Variants in BFSP2 observed in about 807,000 individuals in gnomAD.
The protein encoded by BFSP2 is beaded filament structural protein 2.
A neutral mutation model predicts 44.9 loss-of-function variants in BFSP2; 38 were observed. The observed-to-expected ratio is 0.85, with a 90% confidence interval of 0.65 to 1.11. The LOEUF (loss-of-function observed/expected upper bound fraction) is 1.11, where lower values mean the gene tolerates loss of function less well. BFSP2 is among the 50% of genes least tolerant of loss of function. The probability of loss-of-function intolerance (pLI) is 0.00; values close to 1 mark genes in which losing one functional copy is unlikely to be tolerated. For missense variants in BFSP2, 525 were observed against 533.0 expected, an observed-to-expected ratio of 0.99 and a Z score of 0.15; for synonymous variants, 197 against 209.9, an observed-to-expected ratio of 0.94 and a Z score of 0.53.
At chr3:133,417,732 T>C in intron 1 of BFSP2, among the ~76,000 whole-genome samples, 1 of 135,370 alleles carries the variant, frequency 7.4e-6, no homozygotes, top group Non-Finnish European at 1.6e-5. Flanking sequence ...TCCCCTCTAC[T>C]CACCCGTCCT....
At chr3:133,430,302 C>G (rs930305087) in intron 1 of BFSP2, among the ~76,000 whole-genome samples, 1 of 151,532 alleles carries the variant, frequency 6.6e-6, no homozygotes, top group Non-Finnish European at 1.5e-5. Flanking sequence ...AATGGTATTT[C>G]TAGTTCTAGA....
At chr3:133,452,724 T>C (rs1368685123) in intron 4 of BFSP2, among the ~76,000 whole-genome samples, 1 of 152,180 alleles carries the variant, frequency 6.6e-6, no homozygotes, top group African/African-American at 2.4e-5. Flanking sequence ...TTTCTCTGCA[T>C]TGGGCTGCAT....
chr3:133,466,762 T>C lies in BFSP2; in HGVS notation c.892-66T>C, dbSNP rs933383940. The C allele has an allele frequency of 4.5e-6, 7 of 1,556,492 alleles. No individual in the cohort carries two copies. In the African/African-American group the frequency reaches 8.2e-5, roughly 18 times the overall value. ...GCAGTGGAGTGGTGATTAGAAAGGC[T>C]GGGAAGGAAGGATGGGCTCAGATTT... On this transcript the variant is annotated intron_variant, in intron 4 of 6. Coordinates refer to ENST00000302334, the MANE Select transcript of BFSP2 (RefSeq NM_003571.4).
intron 6 of BFSP2, among the ~76,000 whole-genome samples, chr3:133,473,468 CT>C (rs1324212654): frequency 3.3e-5 from 4 of 121,190 alleles, no homozygotes; most frequent in East Asian, 2.5e-4. Flanking sequence ...AAGGCTTTTT[CT>C]TTTTTTTTAT....
chr3:133,465,718 C>A (rs185362274), intron 4 of BFSP2, among the ~76,000 whole-genome samples: 4 of 152,164 alleles, frequency 2.6e-5, no homozygotes, highest in Non-Finnish European at 5.9e-5. Flanking sequence ...GGTTTGAGGG[C>A]GGTATGGGAC....
chr3:133,419,445 C>T (rs1187741066), intron 1 of BFSP2, among the ~76,000 whole-genome samples: 2 of 152,144 alleles, frequency 1.3e-5, no homozygotes, highest in African/African-American at 4.8e-5. Context: ...CTATAAGGCC[C>T]GAGTTAGTCC....
At chr3:133,411,753 T>A (rs1289082944) in intron 1 of BFSP2, among the ~76,000 whole-genome samples, 1 of 152,036 alleles carries the variant, frequency 6.6e-6, no homozygotes, top group Non-Finnish European at 1.5e-5. Flanking sequence ...ATAATAAAAG[T>A]ATTATTATAG....
chr3:133,459,031 A>T (rs976073725), intron 4 of BFSP2, among the ~76,000 whole-genome samples: 3 of 151,998 alleles, frequency 2.0e-5, no homozygotes, highest in African/African-American at 7.3e-5. Context: ...TTTTTAACAG[A>T]TTTTTCCCAT....
chr3:133,471,503 G>A (rs1204059910), intron 5 of BFSP2, among the ~76,000 whole-genome samples: 2 of 152,220 alleles, frequency 1.3e-5, no homozygotes, highest in East Asian at 1.9e-4. Flanking sequence ...GCAGCCAGTG[G>A]CTTCATTTTG....
At chr3:133,408,734 G>A (rs1317843521) in intron 1 of BFSP2, among the ~76,000 whole-genome samples, 2 of 152,202 alleles carry the variant, frequency 1.3e-5, no homozygotes, top group Non-Finnish European at 2.9e-5. Flanking sequence ...GAGCTAAAAG[G>A]CAAGATGGAA....
At chr3:133,447,213 C>T in intron 1 of BFSP2, 104 bp from the exon 2 acceptor site, 2 of 1,171,814 alleles carry the variant, frequency 1.7e-6, no homozygotes, top group South Asian at 1.3e-5. Flanking sequence ...AAGAAAGGTT[C>T]TCTGAGGTCC....
Position 133,419,318 on chromosome 3 carries a change from C to T in BFSP2, c.489+18746C>T, listed in dbSNP as rs145484874. Among the ~76,000 whole-genome samples, 617 of 152,244 alleles carry T rather than the reference C, an allele frequency of 4.1e-3. 6 individuals carry two copies. The highest frequency in any genetic ancestry group is 0.014 in the African/African-American group (570 of 41,552). On this transcript the variant is annotated intron_variant, in intron 1 of 6. Coordinates refer to ENST00000302334, the MANE Select transcript of BFSP2 (RefSeq NM_003571.4). The stretch of plus-strand genomic sequence containing the variant: ...GGGGGAGGAAGGACACGATTCAGCC[C>T]GTAATACCCATTTTACAGATAAAGA...
At chr3:133,407,150 A>C (rs1379193454) in intron 1 of BFSP2, among the ~76,000 whole-genome samples, 1 of 152,194 alleles carries the variant, frequency 6.6e-6, no homozygotes. Flanking sequence ...AAGAGGGTGA[A>C]GCAGGGGGAT....
intron 1 of BFSP2, chr3:133,429,135 CTAAATTTGGTGCT>C (rs888663846): frequency 7.9e-5 from 12 of 152,010 alleles, no homozygotes; most frequent in African/African-American, 2.9e-4. Flanking sequence ...CACTGCTGCC[CTAAATTTGGTGCT>C]TACCACTCCC....
intron 1 of BFSP2, among the ~76,000 whole-genome samples, chr3:133,405,400 C>T (rs1576555513): frequency 6.6e-6 from 1 of 152,128 alleles, no homozygotes; most frequent in Non-Finnish European, 1.5e-5. Context: ...GTCTTTCTGT[C>T]CCTTGCACAG....
chr3:133,424,958 AAGG>A (rs2073630322), intron 1 of BFSP2, among the ~76,000 whole-genome samples: 1 of 152,164 alleles, frequency 6.6e-6, no homozygotes, highest in African/African-American at 2.4e-5. Flanking sequence ...TTGAAATTTA[AAGG>A]AGAATGAAAT....
chr3:133,441,565 G>A (rs1327721534), intron 1 of BFSP2, among the ~76,000 whole-genome samples: 1 of 152,154 alleles, frequency 6.6e-6, no homozygotes, highest in African/African-American at 2.4e-5. Flanking sequence ...TGATTCTCAG[G>A]TTGGAGCTAG....
intron 4 of BFSP2, among the ~76,000 whole-genome samples, chr3:133,454,813 T>A (rs549631961): frequency 1.4e-4 from 21 of 152,384 alleles, no homozygotes; most frequent in African/African-American, 5.0e-4. Context: ...TGCAAACACG[T>A]CATACAGCTA....
At chr3:133,425,984 GCAGGGCAGGGCAGGGCAGGGAAA>G (rs2073649565) in intron 1 of BFSP2, among the ~76,000 whole-genome samples, 1 of 42,972 alleles carries the variant, frequency 2.3e-5, no homozygotes, top group African/African-American at 1.8e-4. Flanking sequence ...GGAGGGGAAG[GCAGGGCAGGGCAGGGCAGGGAAA>G]GGAAGGGAAG....
Sources: gnomAD v4.1 joint callset for allele counts (sites outside exome capture counted in the v4.1 genomes callset) on GRCh38, gnomAD v4.1.1 for gene constraint, MANE v1.5 for transcripts, NCBI Gene and HGNC (gene_info 2026-07-23, HGNC 2026-07-21) for gene names.